RERE: variants seen among roughly 807,000 people sequenced by gnomAD.
The protein encoded by RERE is arginine-glutamic acid dipeptide repeats protein.
RERE carries 40 observed loss-of-function variants against 146.1 expected under a neutral mutation model. The ratio of observed to expected loss-of-function variants is 0.27; its 90% confidence interval spans 0.21 to 0.36. RERE has a LOEUF of 0.36. Among genes scored for constraint, RERE ranks in the 10% least tolerant of loss-of-function variants. RERE has a pLI of 1.00. For synonymous variants in RERE, 1,003 were observed against 866.0 expected (o/e 1.16, Z -2.78); for missense variants, 1,933 against 2,138.7 (o/e 0.90, Z 1.90).
intron 7 of RERE, among the ~76,000 whole-genome samples, chr1:8,534,784 T>C (rs1254893313): frequency 6.6e-6 from 1 of 152,192 alleles, no homozygotes; most frequent in African/African-American, 2.4e-5. Flanking sequence ...CACCGTACAA[T>C]GGCAAAACCT....
chr1:8,404,253 T>A (rs1167487321), intron 12 of RERE, among the ~76,000 whole-genome samples: 2 of 151,992 alleles, frequency 1.3e-5, no homozygotes, highest in Non-Finnish European at 2.9e-5. Flanking sequence ...CCGTCTCTAT[T>A]AAAAATATAA....
At chr1:8,497,297 G>T in intron 9 of RERE, 108 bp downstream of exon 9, 1 of 1,209,006 alleles carries the variant, frequency 8.3e-7, no homozygotes, top group South Asian at 1.6e-5. Context: ...TAAAGTCAGA[G>T]AACGCCCAAT....
At chr1:8,570,896 A>G (rs1407543437) in intron 4 of RERE, among the ~76,000 whole-genome samples, 1 of 152,232 alleles carries the variant, frequency 6.6e-6, no homozygotes, top group African/African-American at 2.4e-5. Flanking sequence ...TTATTTATAC[A>G]ACCAAACACT....
At chr1:8,531,005 TTTTCTATCTATC>T (rs1645640685) in intron 7 of RERE, among the ~76,000 whole-genome samples, 2 of 143,224 alleles carry the variant, frequency 1.4e-5, no homozygotes, top group African/African-American at 5.2e-5. Context: ...CTGAACTGAG[TTTTCTATCTATC>T]TATCTATCTA....
chr1:8,356,337 A>C lies in RERE; in HGVS notation c.4340-91T>G. ...TGGAATGACCGATGACTTCCTCCTC[A>C]CCCAGGATGGCTCCTGGTCACCAGG... On this transcript the variant is annotated intron_variant, in intron 20 of 22. Coordinates refer to ENST00000400908, the MANE Select transcript of RERE (RefSeq NM_001042681.2). The surrounding 1 kb of genome is among the most constrained non-coding windows in gnomAD (Gnocchi z 5.2). 1 of 1,344,150 alleles carries C rather than the reference A, an allele frequency of 7.4e-7. No individual in the cohort carries two copies. The allele number at this position is 1,344,150 out of a possible 1,614,324, so 83.3% of individuals were successfully genotyped here.
At chr1:8,386,022 A>ATTTTTTTTTT (rs60050106) in intron 12 of RERE, among the ~76,000 whole-genome samples, 1 of 26,636 alleles carries the variant, frequency 3.8e-5, no homozygotes, top group Non-Finnish European at 6.0e-5. Flanking sequence ...ATATATATAT[A>ATTTTTTTTTT]TTTTTTTTTT....
At chr1:8,485,324 G>A (rs148025478) in intron 10 of RERE, among the ~76,000 whole-genome samples, 2 of 152,172 alleles carry the variant, frequency 1.3e-5, no homozygotes, top group South Asian at 2.1e-4. Context: ...TCGTGCCATC[G>A]CACTCCAGCC....
Position 8,499,372 on chromosome 1 carries a change from T to C in RERE, c.880-1843A>G, listed in dbSNP as rs574165976. Among the ~76,000 whole-genome samples the C allele has an allele frequency of 2.9e-4, 44 of 152,356 alleles. 1 individual carries two copies. In the South Asian group the frequency reaches 9.1e-3, roughly 32 times the overall value. On this transcript the variant is annotated intron_variant, in intron 8 of 22. Transcript: ENST00000400908. ...TCTGGACTAGCCATATTCCAAGTGC[T>C]GAACAGCTATGTGTGGCAGTGGCTC...
chr1:8,725,340 C>T (rs992533716), intron 1 of RERE, among the ~76,000 whole-genome samples: 3 of 152,110 alleles, frequency 2.0e-5, no homozygotes, highest in African/African-American at 4.8e-5. Context: ...CCAAGGTGGG[C>T]GGATCTCTTG....
intron 8 of RERE, among the ~76,000 whole-genome samples, chr1:8,501,588 G>A (rs1557661460): frequency 7.6e-6 from 1 of 132,328 alleles, no homozygotes; most frequent in Non-Finnish European, 1.7e-5. Flanking sequence ...CCCTCTGCCC[G>A]GCCAGCCGCC....
At chr1:8,471,134 C>A (rs922817436) in intron 10 of RERE, among the ~76,000 whole-genome samples, 6 of 151,976 alleles carry the variant, frequency 3.9e-5, no homozygotes, top group African/African-American at 1.4e-4. Flanking sequence ...TAAAGATACA[C>A]TTTTAACATA....
intron 1 of RERE, among the ~76,000 whole-genome samples, chr1:8,785,253 G>C (rs1225009720): frequency 6.6e-6 from 1 of 152,136 alleles, no homozygotes; most frequent in South Asian, 2.1e-4. Flanking sequence ...CCTGTTAATG[G>C]ATTTTGATAA....
chr1:8,361,159 T>C lies in RERE; in HGVS notation c.2348A>G (p.Gln783Arg). Residue 783 changes from glutamine to arginine, a missense_variant, in exon 18 of 23, where the codon CAG (glutamine) becomes CGG (arginine). By Grantham distance (43) the Gln-to-Arg change is conservative (BLOSUM62 1). Transcript: ENST00000400908. ...VPPQGSPTAS[Q>R]APNQPQAPTA... ...GGGAGCCTGTGGCTGGTTAGGGGCC[T>C]GGGAGGCCGTGGGGGAGCCCTGTGG... 6.9e-7 allele frequency: 1 copy of C among 1,449,368 alleles called. No individual in the cohort carries two copies. The highest frequency in any genetic ancestry group is 9.0e-7 in the Non-Finnish European group (1 of 1,106,532). The allele number at this position is 1,449,368 out of a possible 1,614,324, so 89.8% of individuals were successfully genotyped here. A position where few individuals can be genotyped will look rare whatever the true frequency, so the allele number is the denominator to read the frequency against.
chr1:8,741,014 T>C (rs144584972), intron 1 of RERE, among the ~76,000 whole-genome samples: 17 of 152,362 alleles, frequency 1.1e-4, no homozygotes, highest in African/African-American at 3.8e-4. Flanking sequence ...CACGATTGAA[T>C]GTGCTATATT....
chr1:8,720,848 G>C (rs111568835), intron 1 of RERE, among the ~76,000 whole-genome samples: 115 of 152,300 alleles, frequency 7.6e-4, no homozygotes, highest in African/African-American at 2.7e-3. Flanking sequence ...TTGAGGTCAG[G>C]AGTTTGAGAC....
intron 1 of RERE, chr1:8,751,008 A>C: frequency 3.1e-6 from 2 of 643,786 alleles, no homozygotes; most frequent in Non-Finnish European, 5.6e-6. Flanking sequence ...CATGAGATCT[A>C]AACTATTGGA....
intron 4 of RERE, among the ~76,000 whole-genome samples, chr1:8,595,019 T>A (rs1386999291): frequency 1.3e-5 from 2 of 151,922 alleles, no homozygotes; most frequent in Non-Finnish European, 2.9e-5. Context: ...ATTAGCCAGG[T>A]GTGGTGGCAT....
At chr1:8,756,794 T>C (rs1245328434) in intron 1 of RERE, among the ~76,000 whole-genome samples, 2 of 152,128 alleles carry the variant, frequency 1.3e-5, no homozygotes, top group Non-Finnish European at 2.9e-5. Flanking sequence ...ATTTATTCAT[T>C]AGAAAGCCAC....
intron 11 of RERE, among the ~76,000 whole-genome samples, chr1:8,430,955 C>T (rs925197939): frequency 6.6e-6 from 1 of 152,340 alleles, no homozygotes; most frequent in Non-Finnish European, 1.5e-5. Context: ...TGTGTATTAA[C>T]TCATGCCATT....
Sources: gnomAD v4.1 joint callset for allele counts (sites outside exome capture counted in the v4.1 genomes callset) on GRCh38, gnomAD v4.1.1 for gene constraint, Gnocchi (gnomAD v3.1) non-coding constraint, MANE v1.5 for transcripts, NCBI Gene and HGNC (gene_info 2026-07-23, HGNC 2026-07-21) for gene names.